EPS15: variants seen among roughly 807,000 people sequenced by gnomAD.
EPS15 encodes the protein epidermal growth factor receptor substrate 15.
Under a neutral mutation model 113.8 loss-of-function variants are expected in EPS15, and 72 were observed. The observed-to-expected ratio is 0.63, with a 90% CI of 0.52 to 0.77. The LOEUF is 0.77. EPS15 is among the 30% of genes least tolerant of loss of function. The probability of loss-of-function intolerance (pLI) is 0.00; values close to 1 mark genes in which losing one functional copy is unlikely to be tolerated. For synonymous variants in EPS15, 344 were observed against 363.4 expected (o/e 0.95, Z 0.61); for missense variants, 1,048 against 1,045.8 (o/e 1.00, Z -0.03).
chr1:51,376,402 G>A (rs1426361288), intron 21 of EPS15, among the ~76,000 whole-genome samples: 1 of 152,206 alleles, frequency 6.6e-6, no homozygotes, highest in African/African-American at 2.4e-5. Flanking sequence ...TGTGGCTCAC[G>A]TCTGTAATCC....
At chr1:51,519,016 G>A (rs1644789303) in intron 1 of EPS15, among the ~76,000 whole-genome samples, 183 bp downstream of exon 1, 1 of 151,360 alleles carries the variant, frequency 6.6e-6, no homozygotes, top group African/African-American at 2.4e-5. Context: ...CCGCAGGGGG[G>A]CTCCGGCTCC....
chr1:51,402,169 C>CACATACATACAT (rs537916848), intron 18 of EPS15, among the ~76,000 whole-genome samples: 39 of 150,614 alleles, frequency 2.6e-4, no homozygotes, highest in African/African-American at 9.3e-4. Flanking sequence ...AATAAATACA[C>CACATACATACAT]ACATACATAC....
chr1:51,503,043 TCAAA>T (rs1179650079), intron 1 of EPS15, among the ~76,000 whole-genome samples: 1 of 149,590 alleles, frequency 6.7e-6, no homozygotes, highest in African/African-American at 2.5e-5. Context: ...CACAATAGCA[TCAAA>T]CAGTTTTCTT....
At chr1:51,415,657 G>A (rs1314528985) in intron 13 of EPS15, among the ~76,000 whole-genome samples, 3 of 151,604 alleles carry the variant, frequency 2.0e-5, no homozygotes, top group Non-Finnish European at 4.4e-5. Flanking sequence ...TTAGCCAGGC[G>A]TGGTGGCGGA....
intron 13 of EPS15, among the ~76,000 whole-genome samples, chr1:51,410,735 T>C (rs1217942127): frequency 6.6e-6 from 1 of 152,174 alleles, no homozygotes; most frequent in Admixed American, 6.6e-5. Flanking sequence ...GTCCCAACAG[T>C]CATTCACCAG....
chr1:51,385,426 G>A (rs756160285), intron 21 of EPS15, among the ~76,000 whole-genome samples: 2 of 152,160 alleles, frequency 1.3e-5, no homozygotes, highest in African/African-American at 2.4e-5. Context: ...GCAAAGATGT[G>A]GAAATACTGG....
chr1:51,360,763 AAC>A (rs1204372995), intron 24 of EPS15, among the ~76,000 whole-genome samples: 1 of 151,964 alleles, frequency 6.6e-6, no homozygotes, highest in African/African-American at 2.4e-5. Flanking sequence ...TTTATACACA[AAC>A]ACACATACAC....
chr1:51,403,453 C>T lies in EPS15; in HGVS notation c.1757G>A (p.Cys586Tyr), dbSNP rs752783985. ...EVTTAVTEKV[C>Y]SELDNNRHSK... ...ATGTCTATTATTGTCGAGTTCAGAA[C>T]AAACTTTTTCAGTAACAGCTGTAGT... The change falls in exon 17 of 25, where the codon TGT becomes TAT. Residue 586 changes from cysteine (C) to tyrosine (Y), a missense_variant. By Grantham distance (194) the Cys-to-Tyr change is radical. Coordinates refer to ENST00000371733, the MANE Select transcript of EPS15 (RefSeq NM_001981.3). The T allele has an allele frequency of 1.1e-5, 17 of 1,610,924 alleles. 1 individual carries two copies. Among genetic ancestry groups the T allele is most frequent in the South Asian group, 5.5e-5 (5 of 90,620 alleles).
intron 21 of EPS15, among the ~76,000 whole-genome samples, chr1:51,386,881 T>G (rs1466386597): frequency 6.6e-6 from 1 of 152,134 alleles, no homozygotes; most frequent in African/African-American, 2.4e-5. Context: ...TGGAACCAAG[T>G]TGGAAAACAC....
intron 21 of EPS15, among the ~76,000 whole-genome samples, chr1:51,383,583 G>A (rs1220812469): frequency 2.6e-5 from 4 of 152,202 alleles, no homozygotes; most frequent in Admixed American, 1.3e-4. Context: ...TAATGCTGCT[G>A]CTGATCTGAC....
At chr1:51,443,362 A>G (rs2148477635) in intron 11 of EPS15, among the ~76,000 whole-genome samples, 1 of 152,260 alleles carries the variant, frequency 6.6e-6, no homozygotes, top group African/African-American at 2.4e-5. Context: ...AGTATTCCAT[A>G]ACTGAGGTAC....
At chr1:51,360,430 TG>T (rs1264170755) in intron 24 of EPS15, among the ~76,000 whole-genome samples, 1 of 152,216 alleles carries the variant, frequency 6.6e-6, no homozygotes, top group Non-Finnish European at 1.5e-5. Flanking sequence ...GATACCTCCA[TG>T]GTTGGTTGCC....
intron 11 of EPS15, among the ~76,000 whole-genome samples, chr1:51,441,752 C>G (rs940682160): frequency 6.6e-6 from 1 of 152,220 alleles, no homozygotes; most frequent in East Asian, 1.9e-4. Context: ...CATCTTAGAA[C>G]TGAAGAAACA....
intron 21 of EPS15, among the ~76,000 whole-genome samples, chr1:51,392,622 T>C (rs1647496038): frequency 6.6e-6 from 1 of 152,234 alleles, no homozygotes; most frequent in African/African-American, 2.4e-5. Context: ...TCCTTGAATA[T>C]GCCCTATATG....
At chr1:51,463,362 C>A (rs1215119746) in intron 7 of EPS15, 1 of 181,466 alleles carries the variant, frequency 5.5e-6, no homozygotes, top group African/African-American at 2.4e-5. Flanking sequence ...ACATAAAATA[C>A]TGATGGTCTC....
chr1:51,469,599 C>T (rs1418886294), intron 4 of EPS15, among the ~76,000 whole-genome samples: 1 of 152,148 alleles, frequency 6.6e-6, no homozygotes, highest in African/African-American at 2.4e-5. Flanking sequence ...CTGATGTAAT[C>T]AACCCTTCAC....
intron 18 of EPS15, 63 bp downstream of exon 18, chr1:51,402,372 A>AAC (rs1249232899): frequency 1.2e-6 from 1 of 845,286 alleles, no homozygotes; most frequent in African/African-American, 1.8e-5. Context: ...TTGAATCCTT[A>AAC]GTTTATATAT....
At chr1:51,414,529 T>C (rs1650033345) in intron 13 of EPS15, among the ~76,000 whole-genome samples, 1 of 152,172 alleles carries the variant, frequency 6.6e-6, no homozygotes, top group South Asian at 2.1e-4. Flanking sequence ...ATGTTTTAAA[T>C]CCTAGAGGGA....
rs1457976959 is a variant in EPS15, at chr1:51,355,273, C to G, written c.*1427G>C. 4.6e-6 allele frequency: 1 copy of G among 218,296 alleles called. No individual in the cohort carries two copies. Among genetic ancestry groups the G allele is most frequent in the African/African-American group, 2.2e-5 (1 of 44,452 alleles). 13.5% of individuals were successfully genotyped at this position (218,296 alleles called of 1,614,324 possible). Reference sequence around the variant, plus strand: ...TTTTGGAATTTATTTATAGGCTAGGCAATAAGTTACTCAGATTAACACAGA... The same window carrying G: ...TTTTGGAATTTATTTATAGGCTAGGGAATAAGTTACTCAGATTAACACAGA... On this transcript the variant is annotated 3_prime_UTR_variant, in exon 25 of 25. Coordinates refer to ENST00000371733, the MANE Select transcript of EPS15 (RefSeq NM_001981.3).
Sources: allele counts gnomAD v4.1 joint callset (sites outside exome capture counted in the v4.1 genomes callset), GRCh38; gene constraint gnomAD v4.1.1; transcripts MANE v1.5; gene names NCBI Gene and HGNC (gene_info 2026-07-23, HGNC 2026-07-21).